The following VIT variants were observed in gnomAD, a reference collection of about 807,000 sequenced individuals.
The protein encoded by VIT is vitrin.
In VIT, 99 loss-of-function variants were observed where a neutral mutation model predicts 78.0. The ratio of observed to expected loss-of-function variants is 1.27; its 90% CI spans 1.08 to 1.50. VIT has a LOEUF of 1.50. Ranked by LOEUF, VIT falls within the 40% of genes most tolerant of loss-of-function variation. The pLI is 0.00. For missense variants in VIT, 1,126 were observed against 875.3 expected, an observed-to-expected ratio of 1.29 and a Z score of -3.61; for synonymous variants, 374 against 334.3, an observed-to-expected ratio of 1.12 and a Z score of -1.29.
At chr2:36,744,765 T>G (rs1474595750) in intron 4 of VIT, among the ~76,000 whole-genome samples, 3 of 152,022 alleles carry the variant, frequency 2.0e-5, no homozygotes, top group Non-Finnish European at 2.9e-5. Flanking sequence ...TTTCTATAGG[T>G]TTTCTATTTA....
intron 11 of VIT, among the ~76,000 whole-genome samples, chr2:36,786,318 A>G (rs1453667137): frequency 1.3e-5 from 2 of 152,226 alleles, no homozygotes; most frequent in Non-Finnish European, 2.9e-5. Context: ...AGTCAGTTTT[A>G]TACTGAGATG....
intron 4 of VIT, among the ~76,000 whole-genome samples, chr2:36,752,353 G>A (rs1229521939): frequency 5.3e-5 from 8 of 152,096 alleles, no homozygotes; most frequent in Admixed American, 3.9e-4. Context: ...GCAGCCATTC[G>A]ACACCTGGCC....
At chr2:36,789,829 C>T (rs1307335512) in intron 12 of VIT, among the ~76,000 whole-genome samples, 1 of 152,132 alleles carries the variant, frequency 6.6e-6, no homozygotes, top group Non-Finnish European at 1.5e-5. Context: ...GCCCTACAAA[C>T]AAATGACCGC....
At chr2:36,771,016 T>A (rs1669717657) in intron 7 of VIT, among the ~76,000 whole-genome samples, 1 of 152,352 alleles carries the variant, frequency 6.6e-6, no homozygotes, top group East Asian at 1.9e-4. Context: ...CAGCATCTTA[T>A]CACAGCTCAT....
In VIT at chr2:36,808,770, G is replaced by A. The variant is rs910520669; in HGVS notation, c.1688G>A (p.Gly563Glu). The stretch of plus-strand genomic sequence containing the variant: ...ACCTACGAACAGCGGCTGGAGTTTG[G>A]GTTCGACAAGTACAGCAGCAAGCCT... Reference protein sequence around the residue: ...QYTYEQRLEFGFDKYSSKPDI... With the variant: ...QYTYEQRLEFEFDKYSSKPDI... Residue 563 changes from glycine to glutamate, a missense_variant, in exon 15 of 16, where the codon GGG (glycine) becomes GAG (glutamate). By Grantham distance (98) the Gly-to-Glu change is moderately conservative. Coordinates refer to ENST00000379242, the MANE Select transcript of VIT (RefSeq NM_053276.4). The A allele has an allele frequency of 1.2e-5, 20 of 1,613,812 alleles. No homozygotes were observed. Among genetic ancestry groups the A allele is most frequent in the Non-Finnish European group, 1.7e-5 (20 of 1,179,818 alleles).
chr2:36,755,098 A>G, intron 5 of VIT, 44 bp downstream of exon 5: 1 of 1,587,608 alleles, frequency 6.3e-7, no homozygotes. Context: ...CTACCACAAG[A>G]TGAAATGTGC....
chr2:36,759,680 G>C, intron 6 of VIT: 3 of 989,240 alleles, frequency 3.0e-6, no homozygotes, highest in Non-Finnish European at 3.6e-6. Flanking sequence ...GCTTTATAAC[G>C]GGATTTTGCA....
chr2:36,801,293 C>T lies in VIT; in HGVS notation c.1059-8C>T. On this transcript the variant is annotated splice_polypyrimidine_tract_variant and splice_region_variant and intron_variant, in intron 12 of 15. Coordinates refer to ENST00000379242, the MANE Select transcript of VIT (RefSeq NM_053276.4). ...AGCTAATTTGTATTTCTTGTTCTGACTCTTCAGAGACAACCCTGCTACTCA... is the reference window on the plus strand; with the variant it reads ...AGCTAATTTGTATTTCTTGTTCTGATTCTTCAGAGACAACCCTGCTACTCA... The T allele has an allele frequency of 6.2e-7, 1 of 1,611,068 alleles. No homozygotes were observed.
chr2:36,742,547 T>C (rs1236212061), intron 3 of VIT, among the ~76,000 whole-genome samples: 2 of 152,134 alleles, frequency 1.3e-5, no homozygotes, highest in African/African-American at 2.4e-5. Flanking sequence ...GCCTTCCACA[T>C]CCTACATAGA....
At chr2:36,794,241 A>G (rs1226273070) in intron 12 of VIT, among the ~76,000 whole-genome samples, 1 of 152,218 alleles carries the variant, frequency 6.6e-6, no homozygotes, top group East Asian at 1.9e-4. Flanking sequence ...GTCTTCCTCC[A>G]AACACAGAAC....
At chr2:36,812,200 C>G (rs1667222021) in intron 15 of VIT, among the ~76,000 whole-genome samples, 2 of 152,042 alleles carry the variant, frequency 1.3e-5, no homozygotes, top group Admixed American at 6.6e-5. Flanking sequence ...AGCTTAAATG[C>G]AATTTAATGG....
At chr2:36,787,967 G>A (rs1001476095) in intron 12 of VIT, 4 of 326,940 alleles carry the variant, frequency 1.2e-5, no homozygotes, top group Non-Finnish European at 1.8e-5. Flanking sequence ...TTCATTTGGC[G>A]GTAATAAATC....
chr2:36,773,366 CT>C (rs1197139288), intron 7 of VIT, among the ~76,000 whole-genome samples: 5 of 150,366 alleles, frequency 3.3e-5, no homozygotes, highest in Non-Finnish European at 7.4e-5. Flanking sequence ...CAGGTTTGGA[CT>C]GCCCAAATAT....
intron 2 of VIT, among the ~76,000 whole-genome samples, chr2:36,726,490 GA>G (rs1391050288): frequency 6.6e-6 from 1 of 152,124 alleles, no homozygotes; most frequent in Non-Finnish European, 1.5e-5. Flanking sequence ...CAAAGAACAT[GA>G]TTTTTTTCAA....
chr2:36,793,260 C>A (rs1000422253), intron 12 of VIT, among the ~76,000 whole-genome samples: 1 of 152,144 alleles, frequency 6.6e-6, no homozygotes, highest in Non-Finnish European at 1.5e-5. Flanking sequence ...AATTTTCTAC[C>A]CTTTTTGGTA....
At chr2:36,753,165 C>T (rs1668565496) in intron 4 of VIT, among the ~76,000 whole-genome samples, 2 of 147,956 alleles carry the variant, frequency 1.4e-5, no homozygotes, top group South Asian at 4.2e-4. Context: ...TGAGAACACA[C>T]GGAAACATGA....
rs1666938046 is a variant in VIT, at chr2:36,808,816, G to A, written c.1734G>A (p.Lys578=). The change falls in exon 15 of 16, where the codon AAG becomes AAA. Residue 578 remains lysine (K), a synonymous_variant. Transcript: ENST00000379242. ...SSKPDILNAI[K]RVGYWSGGTS... is the part of the protein sequence containing the mutation. ...AGCCTGACATCCTCAACGCCATCAA[G>A]AGGGTGGGCTACTGGAGTGGTGGCA... 3 of 1,614,184 alleles carry A rather than the reference G, an allele frequency of 1.9e-6. No individual in the cohort carries two copies. The highest frequency in any genetic ancestry group is 2.5e-6 in the Non-Finnish European group (3 of 1,180,012).
chr2:36,719,292 C>T (rs1666347385), intron 2 of VIT, among the ~76,000 whole-genome samples: 1 of 152,146 alleles, frequency 6.6e-6, no homozygotes, highest in African/African-American at 2.4e-5. Flanking sequence ...ACAAGGATGC[C>T]TACTCTTGCT....
intron 6 of VIT, among the ~76,000 whole-genome samples, chr2:36,765,128 G>C (rs1262183312): frequency 6.6e-6 from 1 of 152,100 alleles, no homozygotes; most frequent in Non-Finnish European, 1.5e-5. Context: ...TTAAATTAAG[G>C]ATCCTGAGAT....
Sources: gnomAD v4.1 joint callset for allele counts (sites outside exome capture counted in the v4.1 genomes callset) on GRCh38, gnomAD v4.1.1 for gene constraint, MANE v1.5 for transcripts, NCBI Gene and HGNC (gene_info 2026-07-23, HGNC 2026-07-21) for gene names.